Variants in KCNQ3 observed in about 807,000 individuals in gnomAD.
KCNQ3 encodes the protein potassium voltage-gated channel subfamily Q member 3.
A neutral mutation model predicts 92.5 loss-of-function variants in KCNQ3; 30 were observed. That is an observed-to-expected ratio of 0.32 (90% confidence interval 0.24 to 0.44). KCNQ3 has a LOEUF of 0.44. Ranked by LOEUF, KCNQ3 falls within the 20% of genes least tolerant of loss-of-function variation. The pLI, the probability that KCNQ3 is intolerant of heterozygous loss-of-function variation, is 1.00. For missense variants in KCNQ3, 913 were observed against 1,140.3 expected (o/e 0.80, Z 2.87); for synonymous variants, 450 against 468.8 (o/e 0.96, Z 0.52).
At chr8:132,456,531 G>A (rs1821943747) in intron 1 of KCNQ3, among the ~76,000 whole-genome samples, 1 of 151,904 alleles carries the variant, frequency 6.6e-6, no homozygotes. Flanking sequence ...TTGAAATGAT[G>A]TATGTGGGTA....
intron 9 of KCNQ3, among the ~76,000 whole-genome samples, chr8:132,149,408 G>A (rs1226545749): frequency 6.6e-6 from 1 of 152,120 alleles, no homozygotes. Context: ...TGCCCACTAA[G>A]TTCCGTAACC....
At chr8:132,452,641 C>T (rs1821848708) in intron 1 of KCNQ3, among the ~76,000 whole-genome samples, 1 of 152,150 alleles carries the variant, frequency 6.6e-6, no homozygotes, top group Admixed American at 6.5e-5. Flanking sequence ...ATTCCTCACC[C>T]ACAAGACAGG....
intron 9 of KCNQ3, among the ~76,000 whole-genome samples, chr8:132,156,208 A>T (rs1442765358): frequency 1.3e-5 from 2 of 151,808 alleles, no homozygotes; most frequent in African/African-American, 4.8e-5. Context: ...CATGTCTTGA[A>T]GAGAGCATTT....
intron 1 of KCNQ3, among the ~76,000 whole-genome samples, chr8:132,455,512 C>T (rs1821919673): frequency 6.6e-6 from 1 of 152,244 alleles, no homozygotes; most frequent in East Asian, 1.9e-4. Context: ...CAGTATTACT[C>T]CCTGTACCTC....
At chr8:132,141,436 G>A in intron 9 of KCNQ3, 105 bp from the exon 10 acceptor site, 1 of 997,498 alleles carries the variant, frequency 1.0e-6, no homozygotes, top group East Asian at 2.5e-5. Flanking sequence ...GGAGAAATGG[G>A]GACCGTGCAT....
chr8:132,328,732 C>T (rs1192006024), intron 1 of KCNQ3, among the ~76,000 whole-genome samples: 1 of 152,176 alleles, frequency 6.6e-6, no homozygotes, highest in Non-Finnish European at 1.5e-5. Context: ...CTCTTCCCCT[C>T]AACTCGAGCA....
At chr8:132,193,289 C>G (rs893833646) in intron 1 of KCNQ3, among the ~76,000 whole-genome samples, 1 of 152,232 alleles carries the variant, frequency 6.6e-6, no homozygotes, top group Non-Finnish European at 1.5e-5. Flanking sequence ...AGTATTCTTT[C>G]CTCACCTTCG....
chr8:132,140,970 A>C (rs1825276976), intron 10 of KCNQ3, 159 bp downstream of exon 10: 1 of 699,888 alleles, frequency 1.4e-6, no homozygotes, highest in Non-Finnish European at 2.6e-6. Flanking sequence ...AAGGGACAGG[A>C]GGAGTTAGGG....
intron 9 of KCNQ3, among the ~76,000 whole-genome samples, chr8:132,162,171 A>G (rs576421033): frequency 2.0e-5 from 3 of 152,344 alleles, no homozygotes; most frequent in African/African-American, 7.2e-5. Context: ...AAGCCTCAAA[A>G]TGCATCTATC....
At chr8:132,243,560 G>A (rs982783102) in intron 1 of KCNQ3, among the ~76,000 whole-genome samples, 5 of 152,198 alleles carry the variant, frequency 3.3e-5, no homozygotes, top group African/African-American at 9.7e-5. Flanking sequence ...TCTTATCCCT[G>A]TATGAAGATT....
chr8:132,409,365 G>A (rs1168923905), intron 1 of KCNQ3, among the ~76,000 whole-genome samples: 2 of 151,778 alleles, frequency 1.3e-5, no homozygotes, highest in Non-Finnish European at 2.9e-5. Context: ...CCTGACCTTG[G>A]ACCAAAATGT....
rs1824662455 is a variant in KCNQ3 at position 132,126,261 on chromosome 8, T to C, written c.*3001A>G. Reference sequence around the variant, plus strand: ...TGTGGTCATGTCATCTTGGGTCATGTTAACCAGTTCCATTGGATTATCATG... The same window carrying C: ...TGTGGTCATGTCATCTTGGGTCATGCTAACCAGTTCCATTGGATTATCATG... On this transcript the variant is annotated 3_prime_UTR_variant, in exon 15 of 15. Coordinates refer to ENST00000388996, the MANE Select transcript of KCNQ3 (RefSeq NM_004519.4). The C allele has an allele frequency of 6.6e-6, 1 of 152,210 alleles. No individual in the cohort carries two copies. The highest frequency in any genetic ancestry group is 2.4e-5 in the African/African-American group (1 of 41,462). The allele number at this position is 152,210 out of a possible 1,614,324, so 9.4% of individuals were successfully genotyped here.
At chr8:132,220,363 G>C (rs1226139868) in intron 1 of KCNQ3, among the ~76,000 whole-genome samples, 4 of 152,162 alleles carry the variant, frequency 2.6e-5, no homozygotes, top group Admixed American at 2.6e-4. Context: ...ACTTAAGCTG[G>C]TTCTCCAGAC....
At chr8:132,334,056 T>C (rs1818300872) in intron 1 of KCNQ3, among the ~76,000 whole-genome samples, 1 of 152,046 alleles carries the variant, frequency 6.6e-6, no homozygotes, top group African/African-American at 2.4e-5. Context: ...TAATATTCCA[T>C]CCAGGACATG....
chr8:132,241,208 C>G (rs909691603), intron 1 of KCNQ3, among the ~76,000 whole-genome samples: 11 of 152,054 alleles, frequency 7.2e-5, no homozygotes, highest in African/African-American at 2.7e-4. Context: ...AGCTACAATT[C>G]TTATAACCAT....
intron 1 of KCNQ3, among the ~76,000 whole-genome samples, chr8:132,265,930 C>T (rs1284073968): frequency 6.6e-6 from 1 of 152,176 alleles, no homozygotes; most frequent in East Asian, 1.9e-4. Context: ...ACTTCCCTCG[C>T]TTTCCTACAG....
chr8:132,307,664 G>A (rs1284122911), intron 1 of KCNQ3, among the ~76,000 whole-genome samples: 2 of 152,176 alleles, frequency 1.3e-5, no homozygotes, highest in Non-Finnish European at 2.9e-5. Flanking sequence ...TCACTCATAA[G>A]TGTTTGTTTA....
chr8:132,245,874 G>A (rs774996309), intron 1 of KCNQ3, among the ~76,000 whole-genome samples: 14 of 152,038 alleles, frequency 9.2e-5, no homozygotes, highest in African/African-American at 3.4e-4. Context: ...TGAGTCCTTC[G>A]GGGATAGGAT....
chr8:132,435,492 C>T (rs1377759329), intron 1 of KCNQ3, among the ~76,000 whole-genome samples: 1 of 152,136 alleles, frequency 6.6e-6, no homozygotes, highest in Non-Finnish European at 1.5e-5. Flanking sequence ...GCGACCTTAA[C>T]CTCTGTAGAC....
Sources: gnomAD v4.1 joint callset for allele counts (sites outside exome capture counted in the v4.1 genomes callset) on GRCh38, gnomAD v4.1.1 for gene constraint, MANE v1.5 for transcripts, NCBI Gene and HGNC (gene_info 2026-07-23, HGNC 2026-07-21) for gene names.